Variants in COL4A6 observed in about 807,000 individuals in gnomAD.
COL4A6 encodes the protein collagen alpha-6(IV) chain.
A neutral mutation model predicts 126.7 loss-of-function variants in COL4A6; 59 were observed. The observed-to-expected ratio is 0.47, with a 90% CI of 0.38 to 0.58. The LOEUF (loss-of-function observed/expected upper bound fraction) is 0.58. Among genes scored for constraint, COL4A6 ranks in the 20% least tolerant of loss-of-function variants. The pLI is 0.00. For missense variants in COL4A6, 1,285 were observed against 1,337.3 expected (o/e 0.96, Z 0.61); for synonymous variants, 547 against 496.6 (o/e 1.10, Z -1.35).
intron 32 of COL4A6, 32 bp from the exon 33 acceptor site, chrX:108,171,493 A>G: frequency 8.9e-7 from 1 of 1,117,537 alleles, no homozygotes; most frequent in East Asian, 3.0e-5. Context: ...TTAAATGGCC[A>G]GGAGAAGCTA....
chrX:108,187,887 C>T lies in COL4A6; in HGVS notation c.1728G>A (p.Lys576=). The change falls in exon 22 of 45, where the codon AAG becomes AAA. Residue 576 remains lysine (K), a synonymous_variant. Transcript: ENST00000334504. ...GACCTGGTAAACCTGGTACTCCGTC[C>T]TTGCCTGGTTCTCCTATTACACCAC... ...GFRGVIGEPG[K]DGVPGLPGLP... 8.3e-7 allele frequency: 1 copy of T among 1,209,551 alleles called. No individual in the cohort carries two copies. Among genetic ancestry groups the T allele is most frequent in the Non-Finnish European group, 1.1e-6 (1 of 894,324 alleles).
chrX:108,242,396 A>G (rs1370394959), intron 3 of COL4A6, among the ~76,000 whole-genome samples: 1 of 111,664 alleles, frequency 9.0e-6, no homozygotes, highest in African/African-American at 3.3e-5. Context: ...TCACAACAAC[A>G]AAGAAAACCT....
intron 2 of COL4A6, among the ~76,000 whole-genome samples, chrX:108,378,563 C>T (rs2040492919): frequency 8.9e-6 from 1 of 112,339 alleles, no homozygotes. Flanking sequence ...AGATTATATT[C>T]GCCAGCTTCA....
rs754935367 is a variant in COL4A6, at chrX:108,178,774, C to T, written c.2425G>A (p.Gly809Arg). Residue 809 changes from glycine to arginine, a missense_variant, in exon 27 of 45, where the codon GGA becomes AGA. Coordinates refer to ENST00000334504, the MANE Select transcript of COL4A6 (RefSeq NM_033641.4). ...RGSPGTPGQV[G>R]QPGTPGSSGP... is the part of the protein sequence containing the mutation. Reference sequence around the variant, plus strand: ...CTAGATCCTGGGGTGCCTGGCTGTCCCACCTGTCCTGGTGTCCCAGGGCTG... The same window carrying T: ...CTAGATCCTGGGGTGCCTGGCTGTCTCACCTGTCCTGGTGTCCCAGGGCTG... The T allele has an allele frequency of 8.3e-7, 1 of 1,211,729 alleles. No homozygotes were observed. Among genetic ancestry groups the T allele is most frequent in the Admixed American group, 2.2e-5 (1 of 46,097 alleles).
chrX:108,239,171 A>G (rs1733638041), intron 3 of COL4A6, among the ~76,000 whole-genome samples: 1 of 112,347 alleles, frequency 8.9e-6, no homozygotes, highest in African/African-American at 3.2e-5. Context: ...CTTTGTCTAT[A>G]GTGTCATTCA....
intron 3 of COL4A6, among the ~76,000 whole-genome samples, chrX:108,223,560 G>A (rs765479407): frequency 9.0e-5 from 10 of 110,781 alleles, no homozygotes; most frequent in Non-Finnish European, 3.8e-5. Context: ...GTCATGGGCC[G>A]CACTGGAAAG....
At chrX:108,200,685 C>T (rs1396462056) in intron 13 of COL4A6, among the ~76,000 whole-genome samples, 3 of 110,756 alleles carry the variant, frequency 2.7e-5, no homozygotes, top group African/African-American at 9.9e-5. Flanking sequence ...TTCTAGTATT[C>T]GATAGTGGAG....
At chrX:108,169,126 T>C (rs771719819) in intron 37 of COL4A6, among the ~76,000 whole-genome samples, 2 of 111,199 alleles carry the variant, frequency 1.8e-5, no homozygotes, top group Non-Finnish European at 3.8e-5. Flanking sequence ...GGGAGTGCCA[T>C]CCACACTGGA....
In COL4A6 at chrX:108,187,082, A is replaced by T. The variant is rs200711727; in HGVS notation, c.1951+14T>A. 9.0e-7 allele frequency: 1 copy of T among 1,113,188 alleles called. No homozygotes were observed. The highest frequency in any genetic ancestry group is 1.8e-5 in the African/African-American group (1 of 54,428). The allele number at this position is 1,113,188 out of a possible 1,213,427, so 91.7% of individuals were successfully genotyped here. A position where few individuals can be genotyped will look rare whatever the true frequency, so the allele number is the denominator to read the frequency against. On this transcript the variant is annotated intron_variant, in intron 23 of 44. Coordinates refer to ENST00000334504, the MANE Select transcript of COL4A6 (RefSeq NM_033641.4). ...AAATTTCCAAGTCCAAAGCCATCTG[A>T]TTCTATGACTCACCCTTAGATCCGG...
chrX:108,259,528 C>T (rs1044023582), intron 3 of COL4A6, among the ~76,000 whole-genome samples: 1 of 111,366 alleles, frequency 9.0e-6, no homozygotes, highest in Admixed American at 9.5e-5. Context: ...GTTAGGAGGC[C>T]GGAATCTAGT....
intron 2 of COL4A6, among the ~76,000 whole-genome samples, chrX:108,434,630 T>A (rs2064230534): frequency 9.0e-6 from 1 of 110,635 alleles, no homozygotes; most frequent in African/African-American, 3.3e-5. Flanking sequence ...CCCTCCTCTA[T>A]CTTAAAATAT....
chrX:108,161,580 TCCCC>T, intron 42 of COL4A6, 35 bp downstream of exon 42: 2 of 644,864 alleles, frequency 3.1e-6, no homozygotes, highest in Non-Finnish European at 4.6e-6. Context: ...CAGACCACCA[TCCCC>T]GCCCCGCCCG....
intron 2 of COL4A6, among the ~76,000 whole-genome samples, chrX:108,422,004 CTTTG>C (rs1304122231): frequency 3.6e-5 from 4 of 112,100 alleles, no homozygotes; most frequent in Admixed American, 2.8e-4. Flanking sequence ...AGCATAACAT[CTTTG>C]TTTGAAGAAT....
chrX:108,417,964 G>C (rs750091942), intron 2 of COL4A6, among the ~76,000 whole-genome samples: 23 of 111,796 alleles, frequency 2.1e-4, no homozygotes, highest in African/African-American at 6.5e-4. Flanking sequence ...AACAAGTACT[G>C]GTAAAATAAT....
chrX:108,276,592 C>A (rs762421008), intron 3 of COL4A6, among the ~76,000 whole-genome samples: 1 of 112,343 alleles, frequency 8.9e-6, no homozygotes, highest in African/African-American at 3.2e-5. Flanking sequence ...AAGATGAGGA[C>A]ATTTGAGGGC....
chrX:108,244,533 G>A (rs897539274), intron 3 of COL4A6, among the ~76,000 whole-genome samples: 2 of 111,543 alleles, frequency 1.8e-5, no homozygotes, highest in Non-Finnish European at 3.8e-5. Context: ...GAACTACAGC[G>A]TTGCCCCTCA....
At chrX:108,205,109 C>T (rs1195171660) in intron 11 of COL4A6, among the ~76,000 whole-genome samples, 2 of 109,905 alleles carry the variant, frequency 1.8e-5, no homozygotes, top group South Asian at 7.9e-4. Flanking sequence ...GAGAAGGCAA[C>T]AGAATACACA....
At chrX:108,294,612 T>A (rs1203601790) in intron 3 of COL4A6, among the ~76,000 whole-genome samples, 1 of 111,180 alleles carries the variant, frequency 9.0e-6, no homozygotes, top group African/African-American at 3.3e-5. Context: ...TAAAGAACCA[T>A]CAGGGAGGTA....
In COL4A6 at chrX:108,279,379, A is replaced by T. The variant is rs189135764; in HGVS notation, c.144+31369T>A. ...TAAAACACACTTTAAACCAACAAAG[A>T]TCAAAAGAGACAAAGAAGGCCATTA... On this transcript the variant is annotated intron_variant, in intron 3 of 44. Coordinates refer to ENST00000334504, the MANE Select transcript of COL4A6 (RefSeq NM_033641.4). Among the ~76,000 whole-genome samples, 121 of 111,735 alleles carry T rather than the reference A, an allele frequency of 1.1e-3. 5 individuals are homozygous for T. The East Asian group carries it at 0.033, about 30-fold the overall frequency.
Sources: gnomAD v4.1 joint callset for allele counts (sites outside exome capture counted in the v4.1 genomes callset) on GRCh38, gnomAD v4.1.1 for gene constraint, MANE v1.5 for transcripts, NCBI Gene and HGNC (gene_info 2026-07-23, HGNC 2026-07-21) for gene names.